RMND5B: variants seen among roughly 807,000 people sequenced by gnomAD.
RMND5B encodes required for meiotic nuclear division 5 homolog B, also known as E3 ubiquitin-protein transferase RMND5B.
Under a neutral mutation model 50.4 loss-of-function variants are expected in RMND5B, and 42 were observed. That is an observed-to-expected ratio of 0.83 (90% CI 0.65 to 1.08). The LOEUF (loss-of-function observed/expected upper bound fraction) is 1.08. Ranked by LOEUF, RMND5B falls within the 50% of genes least tolerant of loss-of-function variation. The pLI is 0.00. For missense variants in RMND5B, 463 were observed against 508.5 expected, an observed-to-expected ratio of 0.91 and a Z score of 0.86; for synonymous variants, 220 against 210.0, an observed-to-expected ratio of 1.05 and a Z score of -0.41.
rs549815620 is a variant in RMND5B, at chr5:178,143,182, G to A, written c.426+190G>A. Among the ~76,000 whole-genome samples the A allele has an allele frequency of 1.2e-4, 19 of 152,352 alleles. No individual in the cohort carries two copies. The South Asian group carries it at 2.1e-3, about 17-fold the overall frequency. ...GAGAAGTTACTCATTTTTAGTTAGA[G>A]TTGGTTGCCAGCCAGGGCTCTGAGC... On this transcript the variant is annotated intron_variant, in intron 5 of 10. Coordinates refer to ENST00000313386, the MANE Select transcript of RMND5B (RefSeq NM_022762.5).
At chr5:178,146,786 G>T in intron 8 of RMND5B, 1 of 157,414 alleles carries the variant, frequency 6.4e-6, no homozygotes, top group Non-Finnish European at 1.4e-5. Flanking sequence ...AGATGTGCAC[G>T]CACTTGCCCA....
chr5:178,148,257 G>A lies in RMND5B; in HGVS notation c.*225G>A, dbSNP rs1464032968. 1 of 594,132 alleles carries A rather than the reference G, an allele frequency of 1.7e-6. No homozygotes were observed. The highest frequency in any genetic ancestry group is 1.9e-5 in the African/African-American group (1 of 53,718). The allele number at this position is 594,132 out of a possible 1,614,324, so 36.8% of individuals were successfully genotyped here. The stretch of plus-strand genomic sequence containing the variant: ...CATGGCATAAGGAAAGGGAGATGCT[G>A]GCCTCTGTGCTCCTGCTGTCTTTTC... On this transcript the variant is annotated 3_prime_UTR_variant, in exon 11 of 11. Coordinates refer to ENST00000313386, the MANE Select transcript of RMND5B (RefSeq NM_022762.5).
In RMND5B at chr5:178,142,596, C is replaced by T; in HGVS notation, c.153C>T (p.Thr51=). The T allele has an allele frequency of 1.2e-6, 2 of 1,612,566 alleles. No homozygotes were observed. ...CTTTCTCTGCAGCCCTCCAGGGGAC[C>T]CCTCTCTCAGCCACCCTCTCTCTGG... ...AELASAALQG[T]PLSATLSLVM... is the part of the protein sequence containing the mutation. Residue 51 remains threonine (T), a synonymous_variant, in exon 4 of 11, where the codon ACC becomes ACT. Coordinates refer to ENST00000313386, the MANE Select transcript of RMND5B (RefSeq NM_022762.5).
At chr5:178,139,898 G>A (rs1359201897) in intron 3 of RMND5B, among the ~76,000 whole-genome samples, 1 of 151,948 alleles carries the variant, frequency 6.6e-6, no homozygotes, top group Non-Finnish European at 1.5e-5. Context: ...TCCAGTCCAA[G>A]AACCAATCCA....
At chr5:178,142,530 AG>A in intron 3 of RMND5B, 52 bp from the exon 4 acceptor site, 1 of 1,565,062 alleles carries the variant, frequency 6.4e-7, no homozygotes, top group Non-Finnish European at 8.7e-7. Context: ...TCTGCTGCCA[AG>A]GCAGGTGCCC....
intron 3 of RMND5B, among the ~76,000 whole-genome samples, chr5:178,140,648 G>A (rs1278212033): frequency 2.0e-5 from 3 of 151,898 alleles, no homozygotes; most frequent in Non-Finnish European, 1.5e-5. Context: ...TGGTCAACAT[G>A]GCAAAACCAC....
rs774120970 is a variant in RMND5B, at chr5:178,143,705, C to T, written c.505C>T (p.Gln169Ter). The change falls in exon 6 of 11, where the codon CAA becomes TAA. Residue 169 changes from glutamine (Q) to a stop codon, truncating the protein, a stop_gained. Transcript: ENST00000313386. LOFTEE classifies it high-confidence loss of function. ...TCGAATCCTGGAAGCCCTGCACGAACAAGACCTGGGTCCTGCGTTGGAGTA... is the reference window on the plus strand; with the variant it reads ...TCGAATCCTGGAAGCCCTGCACGAATAAGACCTGGGTCCTGCGTTGGAGTA... Reference protein sequence around the residue: ...LNRILEALHEQDLGPALEWAV... With the variant: ...LNRILEALHE 3.1e-6 allele frequency: 5 copies of T among 1,613,920 alleles called. No individual in the cohort carries two copies. Among genetic ancestry groups the T allele is most frequent in the Admixed American group, 1.7e-5 (1 of 60,002 alleles).
rs967435383 is a variant in RMND5B at position 178,137,993 on chromosome 5, T to A, written c.-12-115T>A. The A allele has an allele frequency of 2.1e-6, 2 of 940,904 alleles. No homozygotes were observed. Among genetic ancestry groups the A allele is most frequent in the Non-Finnish European group, 3.2e-6 (2 of 634,034 alleles). The allele number at this position is 940,904 out of a possible 1,614,324, so 58.3% of individuals were successfully genotyped here. On this transcript the variant is annotated intron_variant, in intron 2 of 10. Coordinates refer to ENST00000313386, the MANE Select transcript of RMND5B (RefSeq NM_022762.5). This position sits in a 1 kb window ranked among gnomAD's most constrained non-coding sequence, Gnocchi z 4.4. The stretch of plus-strand genomic sequence containing the variant: ...TATATACATATATGTACAAAACATA[T>A]AACATTGATACATGATGTGGGAATG...
At position 178,142,804 on chromosome 5, in the gene RMND5B, C is replaced by T. The variant is rs1759019825; in HGVS notation, c.286-48C>T. 1.9e-6 allele frequency: 3 copies of T among 1,614,252 alleles called. No individual in the cohort carries two copies. The Admixed American group carries it at 5.0e-5, about 27-fold the overall frequency. ...GATGTACAAGGACTCGAAGGAGAGC[C>T]AGCAAGAGTGCCCGCATCACCAGGC... On this transcript the variant is annotated intron_variant, in intron 4 of 10. Transcript: ENST00000313386.
Position 178,148,294 on chromosome 5 carries a change from T to G in RMND5B, c.*262T>G. The G allele has an allele frequency of 1.8e-6, 1 of 548,404 alleles. No individual in the cohort carries two copies. The allele number at this position is 548,404 out of a possible 1,614,324, so 34.0% of individuals were successfully genotyped here. A position where few individuals can be genotyped will look rare whatever the true frequency, so the allele number is the denominator to read the frequency against. ...CCTGCTGTCTTTTCCTGTTTCTGTT[T>G]GCGTTTGACTTAGTAGCAACCGACA... On this transcript the variant is annotated 3_prime_UTR_variant, in exon 11 of 11. Coordinates refer to ENST00000313386, the MANE Select transcript of RMND5B (RefSeq NM_022762.5).
intron 7 of RMND5B, 129 bp from the exon 8 acceptor site, chr5:178,145,985 C>G (rs774904082): frequency 8.8e-5 from 77 of 879,768 alleles, no homozygotes; most frequent in Non-Finnish European, 1.2e-4. Flanking sequence ...CATCCCTGCT[C>G]AGTCTCCTCA....
rs148385806 is a variant in RMND5B, at chr5:178,134,922, G to A, written c.-12-3186G>A. Among the ~76,000 whole-genome samples, 550 of 149,048 alleles carry A rather than the reference G, an allele frequency of 3.7e-3. 4 individuals are homozygous for A. Among genetic ancestry groups the A allele is most frequent in the African/African-American group, 0.013 (510 of 40,520 alleles). ...GACCCGGGAGGTGGAGGTTGCCAGT[G>A]AGCCAAGATAGCACCACTGTATTCC... On this transcript the variant is annotated intron_variant, in intron 2 of 10. Coordinates refer to ENST00000313386, the MANE Select transcript of RMND5B (RefSeq NM_022762.5).
Position 178,150,472 on chromosome 5 carries a change from C to T in RMND5B, c.*2440C>T. On this transcript the variant is annotated 3_prime_UTR_variant, in exon 11 of 11. Transcript: ENST00000313386. ...CATGGCTCACTGCAGCCTTGAACTC[C>T]TGGGTTCAAGTGATCTCCTGCTTTA... 1 of 356,378 alleles carries T rather than the reference C, an allele frequency of 2.8e-6. No homozygotes were observed. The highest frequency in any genetic ancestry group is 2.1e-5 in the South Asian group (1 of 46,642). 22.1% of individuals were successfully genotyped at this position (356,378 alleles called of 1,614,324 possible).
At position 178,139,181 on chromosome 5, in the gene RMND5B, A is replaced by T. The variant is rs145901833; in HGVS notation, c.139+923A>T. ...AATCCAAGAAATGAAACATTGATAT[A>T]ATATTACCTAATAACTATAGTTCAC... On this transcript the variant is annotated intron_variant, in intron 3 of 10. Coordinates refer to ENST00000313386, the MANE Select transcript of RMND5B (RefSeq NM_022762.5). Among the ~76,000 whole-genome samples the T allele has an allele frequency of 6.2e-4, 94 of 152,156 alleles. 1 individual carries two copies. In the East Asian group the frequency reaches 0.017, roughly 27 times the overall value.
intron 2 of RMND5B, among the ~76,000 whole-genome samples, chr5:178,131,585 A>C (rs1332382556): frequency 8.6e-5 from 13 of 151,732 alleles, no homozygotes; most frequent in Admixed American, 8.5e-4. Flanking sequence ...AAAAAAAAAA[A>C]AAAATGGAGG....
At chr5:178,144,921 C>T (rs1271343279) in intron 7 of RMND5B, among the ~76,000 whole-genome samples, 1 of 152,126 alleles carries the variant, frequency 6.6e-6, no homozygotes, top group Non-Finnish European at 1.5e-5. Flanking sequence ...CTAGAATTTC[C>T]AAACCTGGAA....
rs370245739 is a variant in RMND5B at position 178,144,561 on chromosome 5, A to G, written c.694+453A>G. On this transcript the variant is annotated intron_variant, in intron 7 of 10. Transcript: ENST00000313386. ...ATCTTGGCTAACATGGTAAAACCCC[A>G]TCTCTACTAAAAATACAAAAAAAAT... Among the ~76,000 whole-genome samples the G allele has an allele frequency of 2.4e-3, 368 of 151,908 alleles. 2 individuals are homozygous for G. The highest frequency in any genetic ancestry group is 8.1e-3 in the African/African-American group (334 of 41,396).
At chr5:178,143,256 A>G (rs1285425690) in intron 5 of RMND5B, among the ~76,000 whole-genome samples, 1 of 151,992 alleles carries the variant, frequency 6.6e-6, no homozygotes, top group Non-Finnish European at 1.5e-5. Flanking sequence ...GAAATGACAA[A>G]GTAGTACTTG....
chr5:178,145,993 T>G, intron 7 of RMND5B, 121 bp from the exon 8 acceptor site: 1 of 1,017,146 alleles, frequency 9.8e-7, no homozygotes, highest in Non-Finnish European at 1.4e-6. Flanking sequence ...CTCAGTCTCC[T>G]CAGGGGCTTG....
Sources: allele counts gnomAD v4.1 joint callset (sites outside exome capture counted in the v4.1 genomes callset), GRCh38; gene constraint gnomAD v4.1.1; non-coding constraint Gnocchi (gnomAD v3.1); transcripts MANE v1.5; gene names NCBI Gene and HGNC (gene_info 2026-07-23, HGNC 2026-07-21).